CDH23: variants seen among roughly 807,000 people sequenced by gnomAD.
CDH23 encodes cadherin-23.
A neutral mutation model predicts 317.1 loss-of-function variants in CDH23; 189 were observed. The ratio of observed to expected loss-of-function variants is 0.60; its 90% CI spans 0.53 to 0.67. The LOEUF (loss-of-function observed/expected upper bound fraction) is 0.67, where lower values mean the gene tolerates loss of function less well. Among genes scored for constraint, CDH23 ranks in the 30% least tolerant of loss-of-function variants. The pLI is 0.00. For synonymous variants in CDH23, 1,839 were observed against 1,876.8 expected (o/e 0.98, Z 0.52); for missense variants, 4,401 against 4,592.4 (o/e 0.96, Z 1.20).
intron 1 of CDH23, among the ~76,000 whole-genome samples, chr10:71,424,387 A>T (rs531354622): frequency 1.3e-5 from 2 of 152,362 alleles, no homozygotes; most frequent in East Asian, 3.9e-4. Context: ...GCGTAAAAAC[A>T]ATCCAAACAG....
At chr10:71,420,973 A>G (rs1009754321) in intron 1 of CDH23, among the ~76,000 whole-genome samples, 5 of 151,882 alleles carry the variant, frequency 3.3e-5, no homozygotes, top group Non-Finnish European at 5.9e-5. Flanking sequence ...CAACCATAGG[A>G]CCCCCAGAGG....
At chr10:71,582,248 C>T (rs1858690763) in intron 9 of CDH23, among the ~76,000 whole-genome samples, 1 of 152,200 alleles carries the variant, frequency 6.6e-6, no homozygotes, top group Admixed American at 6.5e-5. Context: ...CCGGCCAGTG[C>T]ATTTGCCCAC....
At chr10:71,629,347 T>A (rs1341561843) in intron 11 of CDH23, among the ~76,000 whole-genome samples, 1 of 152,140 alleles carries the variant, frequency 6.6e-6, no homozygotes, top group Non-Finnish European at 1.5e-5. Context: ...TTGACAGGCC[T>A]GGGTGAAGTG....
chr10:71,781,462 C>T (rs9416001), intron 41 of CDH23, among the ~76,000 whole-genome samples: 78,348 of 152,022 alleles, frequency 0.52, 20,602 homozygotes, highest in Middle Eastern at 0.7. Context: ...AGGAGGATGC[C>T]GGCACCTGGT....
intron 9 of CDH23, among the ~76,000 whole-genome samples, chr10:71,610,314 T>C (rs1432307163): frequency 2.6e-5 from 4 of 152,166 alleles, no homozygotes; most frequent in African/African-American, 9.7e-5. Context: ...TAGGACTCCC[T>C]CTTGAGGAAG....
In CDH23 at chr10:71,397,816, C is replaced by A. The variant is rs553590544; in HGVS notation, c.-6+498C>A. ...GAGGCGCTGAGGGGAACTAAAGGCA[C>A]GTAGTTCTCCCCTCCCCTCATCAAG... On this transcript the variant is annotated intron_variant, in intron 1 of 69. Transcript: ENST00000224721. The surrounding 1 kb of genome is among the most constrained non-coding windows in gnomAD (Gnocchi z 4.8). Among the ~76,000 whole-genome samples, 7 of 152,166 alleles carry A rather than the reference C, an allele frequency of 4.6e-5. No individual in the cohort carries two copies. The highest frequency in any genetic ancestry group is 1.7e-4 in the African/African-American group (7 of 41,544).
At chr10:71,796,287 C>A (rs1053731551) in intron 48 of CDH23, among the ~76,000 whole-genome samples, 3 of 152,202 alleles carry the variant, frequency 2.0e-5, no homozygotes, top group African/African-American at 7.2e-5. Context: ...CTGAGGTCAG[C>A]CAAACTAGGT....
chr10:71,797,620 G>T (rs770282006), intron 49 of CDH23, among the ~76,000 whole-genome samples: 2 of 152,210 alleles, frequency 1.3e-5, no homozygotes, highest in African/African-American at 2.4e-5. Flanking sequence ...GAAGCCACAG[G>T]GTTAGCACAA....
intron 38 of CDH23, chr10:71,761,712 T>C (rs952610698): frequency 5.6e-6 from 9 of 1,613,990 alleles, no homozygotes; most frequent in Middle Eastern, 3.3e-4. Context: ...AGGTTGCGCA[T>C]GGTGATGGAG....
chr10:71,572,760 C>A (rs995714193), intron 8 of CDH23, among the ~76,000 whole-genome samples: 2 of 152,242 alleles, frequency 1.3e-5, no homozygotes, highest in Admixed American at 6.5e-5. Context: ...TCTCTCTATG[C>A]TGTGTAATTT....
intron 1 of CDH23, among the ~76,000 whole-genome samples, chr10:71,417,027 CT>C (rs59400313): frequency 2.1e-4 from 30 of 146,168 alleles, no homozygotes; most frequent in African/African-American, 5.1e-4. Flanking sequence ...CTTTGGTTTT[CT>C]TTTTTTTTCT....
chr10:71,572,091 T>C (rs781450376), intron 8 of CDH23, among the ~76,000 whole-genome samples: 1 of 152,166 alleles, frequency 6.6e-6, no homozygotes, highest in Non-Finnish European at 1.5e-5. Context: ...AGAAGCAGGA[T>C]CCTTTCCGGC....
At position 71,784,336 on chromosome 10, in the gene CDH23, C is replaced by T. The variant is rs74145660; in HGVS notation, c.5418C>T (p.Asp1806=). 7.4e-5 allele frequency: 119 copies of T among 1,613,902 alleles called. No homozygotes were observed. Among genetic ancestry groups the T allele is most frequent in the East Asian group, 6.0e-4 (27 of 44,880 alleles). The change falls in exon 42 of 70, where the codon GAC becomes GAT. Residue 1806 remains aspartate, a synonymous_variant. Coordinates refer to ENST00000224721, the MANE Select transcript of CDH23 (RefSeq NM_022124.6). ...PVEGVLRVRK[D]VELDRETIAF... is the part of the protein sequence containing the mutation. ...AGGGGGTGCTAAGGGTCCGGAAGGA[C>T]GTGGAGCTGGACCGGGAGACCATCG...
intron 6 of CDH23, among the ~76,000 whole-genome samples, chr10:71,545,356 T>C (rs968896347): frequency 2.0e-5 from 3 of 152,118 alleles, no homozygotes; most frequent in African/African-American, 7.2e-5. Flanking sequence ...TGCGTTTCAT[T>C]AAAAGTGAGA....
At chr10:71,765,750 C>T (rs561916710) in intron 38 of CDH23, among the ~76,000 whole-genome samples, 2 of 152,232 alleles carry the variant, frequency 1.3e-5, no homozygotes, top group African/African-American at 4.8e-5. Flanking sequence ...CCACCCATCC[C>T]ACAGGTCCCA....
chr10:71,524,104 TC>T (rs1854876351), intron 6 of CDH23, among the ~76,000 whole-genome samples: 1 of 152,246 alleles, frequency 6.6e-6, no homozygotes, highest in South Asian at 2.1e-4. Context: ...CAGCAGAGCT[TC>T]TATAGCTTTG....
At chr10:71,647,101 G>C in intron 14 of CDH23, 3 of 984,600 alleles carry the variant, frequency 3.0e-6, no homozygotes, top group Non-Finnish European at 2.4e-6. Flanking sequence ...CAGTACTCTT[G>C]GTTGCAAGGG....
At chr10:71,566,604 C>T in intron 6 of CDH23, 138 bp from the exon 7 acceptor site, 1 of 673,136 alleles carries the variant, frequency 1.5e-6, no homozygotes, top group Non-Finnish European at 2.2e-6. Flanking sequence ...TTTTGGGGCC[C>T]CTCCTAGAAT....
In CDH23 at chr10:71,738,644, G is replaced by A. The variant is rs1564768174; in HGVS notation, c.4356G>A (p.Gly1452=). ...KAWDPDAGSN[G]QVVFSLASGN... ...GGGACCCTGATGCTGGCAGCAATGG[G>A]CAGGTGGGCCACCGAGTGAAACAGC... Residue 1452 remains glycine (G), a synonymous_variant, in exon 35 of 70, where the codon GGG becomes GGA. Coordinates refer to ENST00000224721, the MANE Select transcript of CDH23 (RefSeq NM_022124.6). The A allele has an allele frequency of 1.2e-6, 2 of 1,612,726 alleles. No individual in the cohort carries two copies. The highest frequency in any genetic ancestry group is 8.5e-7 in the Non-Finnish European group (1 of 1,179,492).
Sources: gnomAD v4.1 joint callset for allele counts (sites outside exome capture counted in the v4.1 genomes callset) on GRCh38, gnomAD v4.1.1 for gene constraint, Gnocchi (gnomAD v3.1) non-coding constraint, MANE v1.5 for transcripts, NCBI Gene and HGNC (gene_info 2026-07-23, HGNC 2026-07-21) for gene names.